The following TOP2B variants were observed in gnomAD, a reference collection of about 807,000 sequenced individuals.
TOP2B encodes the protein DNA topoisomerase II beta.
In TOP2B, 51 loss-of-function variants were observed where a neutral mutation model predicts 193.5. The ratio of observed to expected loss-of-function variants is 0.26; its 90% CI spans 0.21 to 0.33. The LOEUF (loss-of-function observed/expected upper bound fraction) is 0.33. TOP2B is among the 10% of genes least tolerant of loss of function. The pLI is 1.00. For missense variants in TOP2B, 1,378 were observed against 1,909.3 expected (o/e 0.72, Z 5.19); for synonymous variants, 634 against 635.7 (o/e 1.00, Z 0.04).
At chr3:25,609,496 A>C in intron 29 of TOP2B, 72 bp downstream of exon 29, 7 of 1,522,856 alleles carry the variant, frequency 4.6e-6, no homozygotes, top group Non-Finnish European at 6.2e-6. Context: ...GAGCACAATC[A>C]AAAGAATCTA....
chr3:25,624,511 T>G (rs1702744632), intron 19 of TOP2B, 66 bp from the exon 20 acceptor site: 3 of 1,564,952 alleles, frequency 1.9e-6, no homozygotes, highest in Middle Eastern at 3.4e-4. Flanking sequence ...ACTCCCCAAC[T>G]TGAATTAAAA....
intron 8 of TOP2B, among the ~76,000 whole-genome samples, 168 bp from the exon 9 acceptor site, chr3:25,632,962 G>A (rs1460234878): frequency 2.6e-5 from 4 of 151,928 alleles, no homozygotes; most frequent in African/African-American, 7.3e-5. Flanking sequence ...TAAACCAACC[G>A]CTGTGTTTTT....
At chr3:25,638,076 A>T in intron 5 of TOP2B, 89 bp downstream of exon 5, 2 of 1,188,796 alleles carry the variant, frequency 1.7e-6, no homozygotes, top group Non-Finnish European at 2.3e-6. Context: ...TGATTTTCTC[A>T]CACCAAAACT....
intron 27 of TOP2B, among the ~76,000 whole-genome samples, chr3:25,614,426 G>A (rs1418060039): frequency 2.0e-5 from 3 of 151,676 alleles, no homozygotes; most frequent in South Asian, 2.1e-4. Context: ...AACAATATAC[G>A]GAAAGCACAA....
At chr3:25,609,081 G>T in intron 30 of TOP2B, 102 bp downstream of exon 30, 1 of 1,020,536 alleles carries the variant, frequency 9.8e-7, no homozygotes, top group Non-Finnish European at 1.3e-6. Context: ...TTTAACTTCT[G>T]AAATACTAAT....
chr3:25,599,618 A>G, intron 34 of TOP2B, 89 bp from the exon 35 acceptor site: 1 of 1,246,588 alleles, frequency 8.0e-7, no homozygotes, highest in East Asian at 2.5e-5. Context: ...TTTCTTTGGC[A>G]TGCCCAATCA....
chr3:25,648,275 G>C (rs577328581), intron 1 of TOP2B, among the ~76,000 whole-genome samples: 121 of 152,320 alleles, frequency 7.9e-4, no homozygotes, highest in Admixed American at 1.4e-3. Context: ...GTTTACTACA[G>C]CACGAGACGC....
chr3:25,599,463 C>T lies in TOP2B; in HGVS notation c.4682G>A (p.Gly1561Asp). ...GSENEGDYNP[G>D]RKTSKTTSKK... is the part of the protein sequence containing the mutation. ...GCTTGTTGTTTTGGATGTTTTCCTG[C>T]CAGGGTTATAATCGCCTTCATTTTC... The change falls in exon 35 of 36, where the codon GGC (glycine) becomes GAC (aspartate). Residue 1561 changes from glycine (G) to aspartate (D), a missense_variant. This residue lies in a region of TOP2B where 556 missense variants were observed against 584.2 expected (regional missense o/e 0.95). Transcript: ENST00000264331. 2.5e-6 allele frequency: 4 copies of T among 1,613,580 alleles called. No individual in the cohort carries two copies. The highest frequency in any genetic ancestry group is 3.4e-6 in the Non-Finnish European group (4 of 1,179,666).
chr3:25,610,702 T>C (rs564935891), intron 28 of TOP2B, among the ~76,000 whole-genome samples: 1 of 152,318 alleles, frequency 6.6e-6, no homozygotes, highest in South Asian at 2.1e-4. Context: ...TGAAGATTTT[T>C]AAGCCTAACA....
chr3:25,659,697 G>T (rs1703853476), intron 1 of TOP2B, among the ~76,000 whole-genome samples: 1 of 152,124 alleles, frequency 6.6e-6, no homozygotes. Flanking sequence ...TTCTGAAAAG[G>T]AAATATACTC....
In TOP2B at chr3:25,615,589, G is replaced by A. The variant is rs751667842; in HGVS notation, c.3352-3C>T. On this transcript the variant is annotated splice_polypyrimidine_tract_variant and splice_region_variant and intron_variant, in intron 25 of 35. Transcript: ENST00000264331. Reference sequence around the variant, plus strand: ...TGTGTTTCATCCTCTTCTGCTGCCTGTAAAAAATAACAAACTGTATATTAA... The same window carrying A: ...TGTGTTTCATCCTCTTCTGCTGCCTATAAAAAATAACAAACTGTATATTAA... The A allele has an allele frequency of 2.0e-6, 3 of 1,520,126 alleles. No homozygotes were observed. The highest frequency in any genetic ancestry group is 2.6e-6 in the Non-Finnish European group (3 of 1,137,074). The allele number at this position is 1,520,126 out of a possible 1,614,324, so 94.2% of individuals were successfully genotyped here. A position where few individuals can be genotyped will look rare whatever the true frequency, so the allele number is the denominator to read the frequency against.
rs1702719895 is a variant in TOP2B at position 25,623,639 on chromosome 3, A to G, written c.2603T>C (p.Met868Thr). 2 of 1,613,744 alleles carry G rather than the reference A, an allele frequency of 1.2e-6. No homozygotes were observed. Among genetic ancestry groups the G allele is most frequent in the African/African-American group, 2.7e-5 (2 of 74,900 alleles). ...GCCCTCAGCACCATTTATTAAAACC[A>G]TGGGAATTATAGGAATATACCACTC... ...EPEWYIPIIP[M>T]VLINGAEGIG... Residue 868 changes from methionine (M) to threonine (T), a missense_variant, in exon 21 of 36, where the codon ATG becomes ACG. Transcript: ENST00000264331.
intron 3 of TOP2B, among the ~76,000 whole-genome samples, chr3:25,643,357 A>G (rs1703317103): frequency 6.6e-6 from 1 of 152,190 alleles, no homozygotes; most frequent in South Asian, 2.1e-4. Flanking sequence ...CGAATCTGCA[A>G]AATCAGTCCC....
At position 25,626,787 on chromosome 3, in the gene TOP2B, T is replaced by C. The variant is rs745892381; in HGVS notation, c.2094A>G (p.Leu698=). ...NFMEDRRQRR[L]HGLPEQFLYG... Reference sequence around the variant, plus strand: ...TAAGACTAACCTCTGGTAAGCCATGTAGCCTACGCTGTCTCCGGTCTTCCA... The same window carrying C: ...TAAGACTAACCTCTGGTAAGCCATGCAGCCTACGCTGTCTCCGGTCTTCCA... The change falls in exon 17 of 36, where the codon CTA becomes CTG. Residue 698 remains leucine, a synonymous_variant. Transcript: ENST00000264331. 9 of 1,608,826 alleles carry C rather than the reference T, an allele frequency of 5.6e-6. No individual in the cohort carries two copies. The highest frequency in any genetic ancestry group is 1.7e-4 in the Middle Eastern group (1 of 6,054).
chr3:25,641,471 T>A (rs754961473), intron 4 of TOP2B, among the ~76,000 whole-genome samples: 1 of 152,112 alleles, frequency 6.6e-6, no homozygotes, highest in Non-Finnish European at 1.5e-5. Context: ...ATGTCTTGTA[T>A]GCCTTATATA....
At chr3:25,606,897 T>A (rs1334128496) in intron 31 of TOP2B, among the ~76,000 whole-genome samples, 2 of 152,218 alleles carry the variant, frequency 1.3e-5, no homozygotes, top group African/African-American at 2.4e-5. Flanking sequence ...GCTTTTTTAC[T>A]AGAATGGCAG....
In TOP2B at chr3:25,645,189, A is replaced by AGAT. The variant is rs1703381435; in HGVS notation, c.240+108_240+110dup. On this transcript the variant is annotated intron_variant, in intron 2 of 35. Coordinates refer to ENST00000264331, the MANE Select transcript of TOP2B (RefSeq NM_001330700.2). ...TCTTTCACCCTACTTTGACTATGACAGATGAAATTACAAATTTCCAAAGCA... is the reference window on the plus strand; with the variant it reads ...TCTTTCACCCTACTTTGACTATGACAGATGATGAAATTACAAATTTCCAAAGCA... 1.5e-5 allele frequency: 15 copies of AGAT among 1,000,248 alleles called. No individual in the cohort carries two copies. In the East Asian group the frequency reaches 3.7e-4, roughly 25 times the overall value. The allele number at this position is 1,000,248 out of a possible 1,614,324, so 62.0% of individuals were successfully genotyped here.
chr3:25,612,028 C>T (rs982913453), intron 28 of TOP2B, among the ~76,000 whole-genome samples: 9 of 151,916 alleles, frequency 5.9e-5, no homozygotes, highest in Non-Finnish European at 1.2e-4. Context: ...CTGCAAGCTC[C>T]GCCTCCCGGG....
intron 7 of TOP2B, among the ~76,000 whole-genome samples, chr3:25,635,102 G>A (rs1485137473): frequency 6.6e-6 from 1 of 152,106 alleles, no homozygotes; most frequent in Non-Finnish European, 1.5e-5. Context: ...TCACCTCTGA[G>A]GGGCAGCTCA....
Sources: gnomAD v4.1 joint callset for allele counts (sites outside exome capture counted in the v4.1 genomes callset) on GRCh38, gnomAD v4.1.1 for gene constraint, gnomAD v4.1.1 regional missense constraint, MANE v1.5 for transcripts, NCBI Gene and HGNC (gene_info 2026-07-23, HGNC 2026-07-21) for gene names.